Variants in HCRTR2 observed in about 807,000 individuals in gnomAD.
The protein encoded by HCRTR2 is orexin receptor type 2.
Under a neutral mutation model 49.0 loss-of-function variants are expected in HCRTR2, and 22 were observed. The ratio of observed to expected loss-of-function variants is 0.45; its 90% CI spans 0.32 to 0.64. HCRTR2 has a LOEUF of 0.64. Among genes scored for constraint, HCRTR2 ranks in the 30% least tolerant of loss-of-function variants. The pLI, the probability that HCRTR2 is intolerant of heterozygous loss-of-function variation, is 0.04. For synonymous variants in HCRTR2, 236 were observed against 205.3 expected (o/e 1.15, Z -1.28); for missense variants, 491 against 559.4 (o/e 0.88, Z 1.23).
At position 55,243,611 on chromosome 6, in the gene HCRTR2, A is replaced by G. The variant is rs540740298; in HGVS notation, c.224-5028A>G. On this transcript the variant is annotated intron_variant, in intron 1 of 6. Coordinates refer to ENST00000370862, the MANE Select transcript of HCRTR2 (RefSeq NM_001384272.1). The stretch of plus-strand genomic sequence containing the variant: ...TCGGAAAATATACCATACCAATGGC[A>G]GCAACATACTATAAGTTTATGAGCA... Among the ~76,000 whole-genome samples, 16 of 152,280 alleles carry G rather than the reference A, an allele frequency of 1.1e-4. No homozygotes were observed. The South Asian group carries it at 3.3e-3, about 32-fold the overall frequency.
At chr6:55,174,846 T>G (rs1765010718) in intron 1 of HCRTR2, 36 bp downstream of exon 1, 1 of 1,537,566 alleles carries the variant, frequency 6.5e-7, no homozygotes, top group African/African-American at 1.4e-5. Context: ...CTAGGGGCTA[T>G]CACCCCCTCT....
intron 4 of HCRTR2, among the ~76,000 whole-genome samples, chr6:55,266,755 C>T (rs192274791): frequency 6.6e-6 from 1 of 152,154 alleles, no homozygotes; most frequent in East Asian, 1.9e-4. Context: ...CATGGTTACC[C>T]TAAAGTTTAC....
chr6:55,201,428 T>G (rs923871242), intron 1 of HCRTR2, among the ~76,000 whole-genome samples: 1 of 152,138 alleles, frequency 6.6e-6, no homozygotes, highest in Non-Finnish European at 1.5e-5. Flanking sequence ...AAGGTACATC[T>G]AGAATACTCA....
At chr6:55,112,642 T>C (rs149339819) in intron 1 of HCRTR2, among the ~76,000 whole-genome samples, 9 of 149,336 alleles carry the variant, frequency 6.0e-5, no homozygotes, top group African/African-American at 2.2e-4. Context: ...AAAGAAATCA[T>C]AGACAACACA....
At chr6:55,122,595 G>A (rs573203187) in intron 1 of HCRTR2, among the ~76,000 whole-genome samples, 10 of 152,014 alleles carry the variant, frequency 6.6e-5, no homozygotes, top group African/African-American at 2.2e-4. Flanking sequence ...TCTCTTGTGG[G>A]CATTTAGTGC....
intron 1 of HCRTR2, among the ~76,000 whole-genome samples, chr6:55,139,643 T>C (rs1292410873): frequency 6.6e-6 from 1 of 152,158 alleles, no homozygotes; most frequent in African/African-American, 2.4e-5. Context: ...AAGGAGGTAA[T>C]GTGTAATAAA....
chr6:55,275,933 T>C (rs1312324094), intron 4 of HCRTR2, among the ~76,000 whole-genome samples: 3 of 148,472 alleles, frequency 2.0e-5, no homozygotes, highest in Non-Finnish European at 4.4e-5. Context: ...AGTGATAGAA[T>C]CACTAAAATT....
intron 1 of HCRTR2, among the ~76,000 whole-genome samples, chr6:55,244,343 A>C (rs1442959192): frequency 6.6e-6 from 1 of 152,008 alleles, no homozygotes; most frequent in South Asian, 2.1e-4. Context: ...ACACTTATCC[A>C]TTAATGACAT....
At chr6:55,114,756 G>A (rs57915824) in intron 1 of HCRTR2, among the ~76,000 whole-genome samples, 5,687 of 151,672 alleles carry the variant, frequency 0.037, 346 homozygotes, top group African/African-American at 0.13. Context: ...ATTAATGCTC[G>A]TATTTTTATA....
intron 1 of HCRTR2, among the ~76,000 whole-genome samples, chr6:55,202,072 G>T (rs75033481): frequency 6.6e-6 from 1 of 152,114 alleles, no homozygotes; most frequent in Non-Finnish European, 1.5e-5. Flanking sequence ...TAAGTTCAAG[G>T]TTATAAGAGA....
upstream of HCRTR2, chr6:55,174,475 C>T (rs924632516): frequency 1.1e-5 from 10 of 898,194 alleles, no homozygotes; most frequent in African/African-American, 9.9e-5. Context: ...ATTTTCTGCT[C>T]GGGAGCCCCT....
intron 4 of HCRTR2, among the ~76,000 whole-genome samples, chr6:55,272,101 A>T (rs1766984351): frequency 6.6e-6 from 1 of 152,170 alleles, no homozygotes; most frequent in Non-Finnish European, 1.5e-5. Flanking sequence ...CAAAAAGTGG[A>T]AACAACCCAA....
intron 1 of HCRTR2, among the ~76,000 whole-genome samples, chr6:55,247,277 T>A (rs1295469593): frequency 6.6e-6 from 1 of 152,108 alleles, no homozygotes; most frequent in African/African-American, 2.4e-5. Context: ...ACGTGAGAGT[T>A]AGAGGACAAT....
intron 1 of HCRTR2, among the ~76,000 whole-genome samples, chr6:55,188,660 T>C (rs1765265490): frequency 6.6e-6 from 1 of 152,212 alleles, no homozygotes. Flanking sequence ...GTGTAATCTG[T>C]TCTATTACAT....
At chr6:55,114,412 C>T (rs1764089852) in intron 1 of HCRTR2, among the ~76,000 whole-genome samples, 2 of 151,736 alleles carry the variant, frequency 1.3e-5, no homozygotes, top group African/African-American at 2.4e-5. Flanking sequence ...GATTAGTTAG[C>T]GTTCATCCTG....
At chr6:55,216,192 C>A (rs1177287396) in intron 1 of HCRTR2, among the ~76,000 whole-genome samples, 1 of 152,112 alleles carries the variant, frequency 6.6e-6, no homozygotes, top group Non-Finnish European at 1.5e-5. Context: ...CTCAAAAAAC[C>A]CATCTCTTAA....
chr6:55,164,977 AT>A (rs564383674), intron 1 of HCRTR2, among the ~76,000 whole-genome samples: 1 of 152,148 alleles, frequency 6.6e-6, no homozygotes, highest in Non-Finnish European at 1.5e-5. Context: ...AGATGAAATA[AT>A]TTTTTTAAAA....
chr6:55,279,162 A>G (rs1182568142), intron 5 of HCRTR2, among the ~76,000 whole-genome samples: 4 of 152,094 alleles, frequency 2.6e-5, no homozygotes, highest in Non-Finnish European at 4.4e-5. Context: ...GAAAAAAAGA[A>G]CTTGAAAATT....
downstream of HCRTR2, among the ~76,000 whole-genome samples, chr6:55,284,275 A>G (rs1169262096): frequency 6.6e-6 from 1 of 152,172 alleles, no homozygotes; most frequent in Admixed American, 6.6e-5. Context: ...AGAGAGCAGC[A>G]GTTATGTGAC....
Sources: gnomAD v4.1 joint callset for allele counts (sites outside exome capture counted in the v4.1 genomes callset) on GRCh38, gnomAD v4.1.1 for gene constraint, MANE v1.5 for transcripts, NCBI Gene and HGNC (gene_info 2026-07-23, HGNC 2026-07-21) for gene names.